The following MESD variants were observed in gnomAD, a reference collection of about 807,000 sequenced individuals.
MESD encodes the protein mesoderm development LRP chaperone, also known as LRP chaperone MESD.
A neutral mutation model predicts 12.9 loss-of-function variants in MESD; 7 were observed. That is an observed-to-expected ratio of 0.54 (90% CI 0.31 to 1.02). MESD has a LOEUF of 1.02. Among genes scored for constraint, MESD ranks in the 50% least tolerant of loss-of-function variants. The pLI is 0.05. For synonymous variants in MESD, 126 were observed against 115.6 expected, an observed-to-expected ratio of 1.09 and a Z score of -0.58; for missense variants, 342 against 296.7, an observed-to-expected ratio of 1.15 and a Z score of -1.12.
At chr15:80,948,691 G>A (rs936390256) in exon 5 of MESD, 18 of 1,455,852 alleles carry the variant, frequency 1.2e-5, no homozygotes, top group South Asian at 3.4e-5. Flanking sequence ...GTGGCTAGGC[G>A]GTACCTGGTG....
At position 80,982,100 on chromosome 15, in the gene MESD, C is replaced by G. The variant is rs1902596739; in HGVS notation, c.296G>C (p.Ser99Thr). The change falls in exon 2 of 3, where the codon AGC (serine) becomes ACC (threonine). Residue 99 changes from serine (S) to threonine (T), a missense_variant. Coordinates refer to ENST00000261758, the MANE Select transcript of MESD (RefSeq NM_015154.3). ...APVDFSKIDP[S>T]KPESILKMTK... ...CATTTTCAATATGCTTTCAGGCTTG[C>G]TTGGGTCTATCTTTGAGAAGTCGAC... is the stretch of plus-strand genomic sequence containing the variant. 2 of 1,614,016 alleles carry G rather than the reference C, an allele frequency of 1.2e-6. No homozygotes were observed. The highest frequency in any genetic ancestry group is 3.3e-5 in the Admixed American group (2 of 59,998).
chr15:80,985,358 T>G (rs1322394638), intron 1 of MESD, among the ~76,000 whole-genome samples: 2 of 152,166 alleles, frequency 1.3e-5, no homozygotes, highest in African/African-American at 4.8e-5. Flanking sequence ...CAGAACTCAG[T>G]ACTGTATCTG....
chr15:80,969,189 G>C (rs1902235475), intron 3 of MESD, among the ~76,000 whole-genome samples: 1 of 152,022 alleles, frequency 6.6e-6, no homozygotes, highest in Admixed American at 6.6e-5. Flanking sequence ...GACCCTAACT[G>C]AAAATAAAAT....
chr15:80,963,330 ATAAT>A (rs1334234602), intron 3 of MESD, among the ~76,000 whole-genome samples: 1 of 152,240 alleles, frequency 6.6e-6, no homozygotes, highest in African/African-American at 2.4e-5. Flanking sequence ...AATTGAGGCA[ATAAT>A]TAATAGCCTA....
chr15:80,979,358 A>G lies in MESD; in HGVS notation c.566T>C (p.Val189Ala). ...RCADVTLEGQVYPGKGGGSKE... is the reference protein window; with the variant it reads ...RCADVTLEGQAYPGKGGGSKE... ...GCTTCCTCCTCCTTTGCCGGGGTAC[A>G]CCTGGCCCTCCAGAGTTACATCAGC... is the stretch of plus-strand genomic sequence containing the variant. Residue 189 changes from valine (V) to alanine (A), a missense_variant, in exon 3 of 3, where the codon GTG (valine) becomes GCG (alanine). Physicochemically the swap from Val to Ala is moderately conservative, Grantham distance 64. Transcript: ENST00000261758. 6.2e-7 allele frequency: 1 copy of G among 1,614,074 alleles called. No homozygotes were observed. Among genetic ancestry groups the G allele is most frequent in the Non-Finnish European group, 8.5e-7 (1 of 1,180,026 alleles).
chr15:80,983,043 A>T (rs1902624503), intron 1 of MESD, among the ~76,000 whole-genome samples: 1 of 152,036 alleles, frequency 6.6e-6, no homozygotes, highest in African/African-American at 2.4e-5. Context: ...GGAATTTGAG[A>T]TCAGCCTGGG....
At chr15:80,961,634 C>T (rs1902089585) in intron 3 of MESD, among the ~76,000 whole-genome samples, 1 of 152,152 alleles carries the variant, frequency 6.6e-6, no homozygotes, top group Non-Finnish European at 1.5e-5. Context: ...GAAAGAGCTA[C>T]AGAAATGCAC....
chr15:80,972,144 A>G (rs2141800836), downstream of MESD, among the ~76,000 whole-genome samples: 1 of 152,312 alleles, frequency 6.6e-6, no homozygotes, highest in South Asian at 2.1e-4. Flanking sequence ...ATGGATAAGT[A>G]GAGATCAGGA....
intron 3 of MESD, among the ~76,000 whole-genome samples, chr15:80,965,849 T>C (rs1902166277): frequency 6.6e-6 from 1 of 152,104 alleles, no homozygotes; most frequent in African/African-American, 2.4e-5. Context: ...AAATACCTAA[T>C]GTAAATGATG....
chr15:80,975,615 T>A (rs942575709), downstream of MESD: 1 of 151,596 alleles, frequency 6.6e-6, no homozygotes, highest in Non-Finnish European at 1.5e-5. Flanking sequence ...CTAAGTTGGT[T>A]TAATTTAAAA....
Position 80,985,332 on chromosome 15 carries a change from A to T in MESD, c.214-3150T>A, listed in dbSNP as rs2141816571. On this transcript the variant is annotated intron_variant, in intron 1 of 2. Transcript: ENST00000261758. ...CTCCTAAGGTTTGTTTGGGGATGTA[A>T]TGACTTAAAGGCAAGCAGAACTCAG... Among the ~76,000 whole-genome samples, 4 of 152,230 alleles carry T rather than the reference A, an allele frequency of 2.6e-5. No homozygotes were observed. In the South Asian group the frequency reaches 8.3e-4, roughly 32 times the overall value.
In MESD at chr15:80,983,937, T is replaced by C. The variant is rs553969040; in HGVS notation, c.214-1755A>G. Among the ~76,000 whole-genome samples the C allele has an allele frequency of 1.0e-4, 14 of 135,214 alleles. No individual in the cohort carries two copies. In the East Asian group the frequency reaches 3.1e-3, roughly 30 times the overall value. The allele number at this position is 135,214 out of a possible 152,430, so 88.7% of individuals were successfully genotyped here. A position where few individuals can be genotyped will look rare whatever the true frequency, so the allele number is the denominator to read the frequency against. On this transcript the variant is annotated intron_variant, in intron 1 of 2. Transcript: ENST00000261758. ...TTTTTTTTGAGATGGAGTCTCACTC[T>C]GTCACCAGGCTGGAGTGCAGTGGCA...
rs113671993 is a variant in MESD, at chr15:80,954,169, G to C, written c.*289-1873C>G. Among the ~76,000 whole-genome samples, 4 of 152,286 alleles carry C rather than the reference G, an allele frequency of 2.6e-5. 1 individual carries two copies. The highest frequency in any genetic ancestry group is 9.6e-5 in the African/African-American group (4 of 41,570). On this transcript the variant is annotated intron_variant, in intron 3 of 4. Transcript: ENST00000561312. ...CAAAGCCTTCTCTGACCCATGCCTGGCAGCTTTCTCCTTCCTCTCCTGGGC... is the reference window on the plus strand; with the variant it reads ...CAAAGCCTTCTCTGACCCATGCCTGCCAGCTTTCTCCTTCCTCTCCTGGGC...
intron 1 of MESD, 46 bp downstream of exon 1, chr15:80,989,533 G>T: frequency 6.3e-7 from 1 of 1,582,946 alleles, no homozygotes; most frequent in Non-Finnish European, 8.6e-7. Flanking sequence ...TAGGGAACAG[G>T]GTCCCGCACA....
chr15:80,980,107 AG>A (rs1754416248), intron 2 of MESD, among the ~76,000 whole-genome samples: 1 of 152,234 alleles, frequency 6.6e-6, no homozygotes, highest in South Asian at 2.1e-4. Flanking sequence ...TCTGTTCCTT[AG>A]GGACTACACC....
chr15:80,953,602 T>G (rs1008693193), intron 3 of MESD, among the ~76,000 whole-genome samples: 1 of 152,146 alleles, frequency 6.6e-6, no homozygotes, highest in Non-Finnish European at 1.5e-5. Context: ...CAGAAAAGTG[T>G]GGCAGAGTTA....
At chr15:80,986,431 G>T (rs1020114466) in intron 1 of MESD, among the ~76,000 whole-genome samples, 4 of 152,138 alleles carry the variant, frequency 2.6e-5, no homozygotes, top group African/African-American at 9.7e-5. Context: ...CCAACACAAA[G>T]AAATGATTAA....
intron 3 of MESD, among the ~76,000 whole-genome samples, chr15:80,955,714 A>C (rs1408834034): frequency 6.6e-6 from 1 of 150,886 alleles, no homozygotes; most frequent in Non-Finnish European, 1.5e-5. Context: ...TCCGCCCCCC[A>C]GGTTCAAGCG....
chr15:80,972,617 C>A (rs954085916), downstream of MESD, among the ~76,000 whole-genome samples: 1 of 152,172 alleles, frequency 6.6e-6, no homozygotes, highest in African/African-American at 2.4e-5. Flanking sequence ...CTGGTCCAGC[C>A]CTACTGTCTT....
Sources: allele counts gnomAD v4.1 joint callset (sites outside exome capture counted in the v4.1 genomes callset), GRCh38; gene constraint gnomAD v4.1.1; transcripts MANE v1.5; gene names NCBI Gene and HGNC (gene_info 2026-07-23, HGNC 2026-07-21).